The following FCN2 variants were observed in gnomAD, a reference collection of about 807,000 sequenced individuals.
FCN2 encodes the protein ficolin-2.
FCN2 carries 31 observed loss-of-function variants against 32.5 expected under a neutral mutation model. That is an observed-to-expected ratio of 0.96 (90% CI 0.72 to 1.29). The LOEUF (loss-of-function observed/expected upper bound fraction) is 1.29, where lower values mean the gene tolerates loss of function less well. Among genes scored for constraint, FCN2 ranks in the 50% most tolerant of loss-of-function variants. The pLI, the probability that FCN2 is intolerant of heterozygous loss-of-function variation, is 0.00. For synonymous variants in FCN2, 181 were observed against 164.5 expected (o/e 1.10, Z -0.77); for missense variants, 412 against 406.5 (o/e 1.01, Z -0.12).
the FCN2 span, among the ~76,000 whole-genome samples, chr9:134,871,957 T>C: frequency 7.2e-6 from 1 of 139,200 alleles, no homozygotes; most frequent in South Asian, 2.7e-4. Flanking sequence ...GCCCCACTTA[T>C]CGTGTCCCCA....
chr9:134,884,764 G>A lies in FCN2; in HGVS notation c.293G>A (p.Cys98Tyr), dbSNP rs942867124. 1 of 1,614,012 alleles carries A rather than the reference G, an allele frequency of 6.2e-7. No individual in the cohort carries two copies. The highest frequency in any genetic ancestry group is 8.5e-7 in the Non-Finnish European group (1 of 1,179,952). Residue 98 changes from cysteine (C) to tyrosine (Y), a missense_variant, in exon 4 of 8, where the codon TGC (cysteine) becomes TAC (tyrosine). Cys to Tyr is a radical substitution (Grantham distance 194). Transcript: ENST00000291744. ...GGAGCACCTGGGGAGCCCCAGCCGT[G>A]CCTGACAGGTGACTGACCACCCCCA... Reference protein sequence around the residue: ...PNGAPGEPQPCLTGPRTCKDL... With the variant: ...PNGAPGEPQPYLTGPRTCKDL...
rs141973252 is a variant in FCN2, at chr9:134,884,898, G to A, written c.301+126G>A. ...AACAGAAGAAAATGGTTGCTTGCCCGTTTCCTTGTCCCCTAATTATTCAAG... is the reference window on the plus strand; with the variant it reads ...AACAGAAGAAAATGGTTGCTTGCCCATTTCCTTGTCCCCTAATTATTCAAG... On this transcript the variant is annotated intron_variant, in intron 4 of 7. Transcript: ENST00000291744. 63 of 902,312 alleles carry A rather than the reference G, an allele frequency of 7.0e-5. No homozygotes were observed. The African/African-American group carries it at 9.0e-4, about 13-fold the overall frequency. 55.9% of individuals were successfully genotyped at this position (902,312 alleles called of 1,614,324 possible). A position where few individuals can be genotyped will look rare whatever the true frequency, so the allele number is the denominator to read the frequency against.
At chr9:134,870,876 C>T in the FCN2 span, among the ~76,000 whole-genome samples, 1 of 152,086 alleles carries the variant, frequency 6.6e-6, no homozygotes, top group African/African-American at 2.4e-5. This position sits in a 1 kb window ranked among gnomAD's most constrained non-coding sequence, Gnocchi z 4.3. Context: ...CTCCCTTAAG[C>T]GGGTCAGAAT....
At chr9:134,870,675 A>C in the FCN2 span, among the ~76,000 whole-genome samples, 1 of 151,784 alleles carries the variant, frequency 6.6e-6, no homozygotes, top group Non-Finnish European at 1.5e-5. The surrounding 1 kb of genome is among the most constrained non-coding windows in gnomAD (Gnocchi z 4.3). Flanking sequence ...CCGCACAGCC[A>C]CTCCACTGTG....
chr9:134,877,548 C>T (rs930542051), upstream of FCN2, among the ~76,000 whole-genome samples: 12 of 152,158 alleles, frequency 7.9e-5, no homozygotes, highest in Non-Finnish European at 1.5e-4. Flanking sequence ...TTAGTGGCCA[C>T]GTTAGAATTT....
rs556433381 is a variant in FCN2, at chr9:134,885,471, G to A, written c.429+105G>A. 1.5e-3 allele frequency: 2,242 copies of A among 1,523,256 alleles called. 33 individuals carry two copies. In the African/African-American group the frequency reaches 0.027, roughly 18 times the overall value. 94.4% of individuals were successfully genotyped at this position (1,523,256 alleles called of 1,614,324 possible). A position where few individuals can be genotyped will look rare whatever the true frequency, so the allele number is the denominator to read the frequency against. ...TGGAATTCTCTATTCTCCTGGTCGG[G>A]GACAGTCAGAGATGATGGGGGAGAT... On this transcript the variant is annotated intron_variant, in intron 5 of 7. Transcript: ENST00000291744.
upstream of FCN2, among the ~76,000 whole-genome samples, chr9:134,878,616 G>A (rs956681960): frequency 2.0e-5 from 3 of 152,238 alleles, no homozygotes; most frequent in Admixed American, 6.5e-5. Flanking sequence ...GCCAAGGTGG[G>A]TGGATCACCT....
chr9:134,884,666 C>T (rs1830716210), intron 3 of FCN2, 74 bp from the exon 4 acceptor site: 2 of 1,453,286 alleles, frequency 1.4e-6, no homozygotes, highest in East Asian at 2.3e-5. Flanking sequence ...AAAATGGTGT[C>T]CGCGGACCAA....
upstream of FCN2, among the ~76,000 whole-genome samples, chr9:134,879,667 C>T (rs966370632): frequency 2.6e-5 from 4 of 152,106 alleles, no homozygotes; most frequent in African/African-American, 4.8e-5. Context: ...CCACGGAACC[C>T]GAGGGGGGTC....
chr9:134,882,699 T>C (rs3124955), intron 2 of FCN2, 60 bp downstream of exon 2: 425,854 of 1,207,266 alleles, frequency 0.35, 75,866 homozygotes, highest in South Asian at 0.43. Context: ...AGATGCTGAG[T>C]TGGGCAACAC....
the FCN2 span, among the ~76,000 whole-genome samples, chr9:134,869,160 C>A: frequency 6.6e-6 from 1 of 152,224 alleles, no homozygotes; most frequent in Non-Finnish European, 1.5e-5. Context: ...CCGGGGCTTC[C>A]TGCCACCTGC....
intron 1 of FCN2, among the ~76,000 whole-genome samples, 174 bp downstream of exon 1, chr9:134,881,095 T>C (rs1038270312): frequency 3.3e-5 from 5 of 152,216 alleles, no homozygotes; most frequent in Admixed American, 3.3e-4. Flanking sequence ...AGGCCCCGAA[T>C]GGATGTGGCA....
chr9:134,864,308 G>A, the FCN2 span, among the ~76,000 whole-genome samples: 1 of 152,210 alleles, frequency 6.6e-6, no homozygotes, highest in Non-Finnish European at 1.5e-5. Context: ...AAACAGGCAG[G>A]CCCTTCCCAC....
At chr9:134,871,210 C>T in the FCN2 span, among the ~76,000 whole-genome samples, 2 of 152,180 alleles carry the variant, frequency 1.3e-5, no homozygotes, top group African/African-American at 2.4e-5. Flanking sequence ...ATTCCAGGAT[C>T]GGCGCTGAGG....
rs377340742 is a variant in FCN2 at position 134,887,412 on chromosome 9, C to G, written c.939C>G (p.Ala313=). 8 of 1,614,036 alleles carry G rather than the reference C, an allele frequency of 5.0e-6. No homozygotes were observed. In the Admixed American group the frequency reaches 5.0e-5, roughly 10 times the overall value. The change falls in exon 8 of 8, where the codon GCC becomes GCG. Residue 313 remains alanine (A), a synonymous_variant. Transcript: ENST00000291744. ...YKVSEMKVRP[A] is the part of the protein sequence containing the mutation. ...TGTCAGAGATGAAGGTGCGACCTGCCTAGCCCAGGCCGGCCTCAGGGTCAG... is the reference window on the plus strand; with the variant it reads ...TGTCAGAGATGAAGGTGCGACCTGCGTAGCCCAGGCCGGCCTCAGGGTCAG...
the FCN2 span, among the ~76,000 whole-genome samples, chr9:134,868,694 T>A: frequency 5.5e-3 from 843 of 152,304 alleles, 7 homozygotes; most frequent in African/African-American, 0.019. The surrounding 1 kb of genome is among the most constrained non-coding windows in gnomAD (Gnocchi z 4.3). Flanking sequence ...AGCCCCAGCG[T>A]GCCTCCCTCA....
chr9:134,880,938 G>A lies in FCN2; in HGVS notation c.100+17G>A. On this transcript the variant is annotated intron_variant, in intron 1 of 7. Transcript: ENST00000291744. Reference sequence around the variant, plus strand: ...CCTGTCCAGGTAAGGGCACTCCAGGGCCTCCTCCTGGAAACTTCTCGTCCC... The same window carrying A: ...CCTGTCCAGGTAAGGGCACTCCAGGACCTCCTCCTGGAAACTTCTCGTCCC... 1.3e-6 allele frequency: 2 copies of A among 1,587,468 alleles called. No individual in the cohort carries two copies. The highest frequency in any genetic ancestry group is 8.6e-7 in the Non-Finnish European group (1 of 1,158,788).
At chr9:134,884,861 G>A in intron 4 of FCN2, 89 bp downstream of exon 4, 1 of 1,196,678 alleles carries the variant, frequency 8.4e-7, no homozygotes, top group Non-Finnish European at 1.2e-6. Context: ...CCAGAATGAA[G>A]TGACAAATAT....
chr9:134,883,811 G>T (rs1277655694), intron 3 of FCN2, among the ~76,000 whole-genome samples: 1 of 131,426 alleles, frequency 7.6e-6, no homozygotes, highest in Non-Finnish European at 1.6e-5. Context: ...GAGAGGTTCT[G>T]ATTATTCGGG....
Sources: gnomAD v4.1 joint callset for allele counts (sites outside exome capture counted in the v4.1 genomes callset) on GRCh38, gnomAD v4.1.1 for gene constraint, Gnocchi (gnomAD v3.1) non-coding constraint, MANE v1.5 for transcripts, NCBI Gene and HGNC (gene_info 2026-07-23, HGNC 2026-07-21) for gene names.